TNNI3K: variants seen among roughly 807,000 people sequenced by gnomAD.
TNNI3K encodes the protein TNNI3 interacting kinase.
A neutral mutation model predicts 114.5 loss-of-function variants in TNNI3K; 140 were observed. The observed-to-expected ratio is 1.22, with a 90% CI of 1.07 to 1.41. The LOEUF (loss-of-function observed/expected upper bound fraction) is 1.41, where lower values mean the gene tolerates loss of function less well. Ranked by LOEUF, TNNI3K falls within the 40% of genes most tolerant of loss-of-function variation. The pLI, the probability that TNNI3K is intolerant of heterozygous loss-of-function variation, is 0.00. For synonymous variants in TNNI3K, 347 were observed against 347.5 expected (o/e 1.00, Z 0.02); for missense variants, 1,125 against 1,007.6 (o/e 1.12, Z -1.58).
intron 19 of TNNI3K, among the ~76,000 whole-genome samples, chr1:74,438,881 G>A (rs1356156761): frequency 6.6e-6 from 1 of 152,026 alleles, no homozygotes; most frequent in Non-Finnish European, 1.5e-5. Flanking sequence ...GCACATCTGG[G>A]CAGAGAAAGT....
intron 23 of TNNI3K, among the ~76,000 whole-genome samples, chr1:74,497,157 T>C (rs1240973942): frequency 1.3e-5 from 2 of 152,166 alleles, no homozygotes; most frequent in Admixed American, 6.5e-5. Context: ...TCAAAGTTTT[T>C]CTGGGTTACA....
chr1:74,535,060 A>G (rs1420320520), intron 23 of TNNI3K, among the ~76,000 whole-genome samples: 1 of 152,202 alleles, frequency 6.6e-6, no homozygotes, highest in Non-Finnish European at 1.5e-5. Context: ...GCCCTGGCCA[A>G]ATGTTGGACA....
rs1467185406 is a variant in TNNI3K, at chr1:74,492,086, C to A, written c.2182-11C>A. The A allele has an allele frequency of 6.6e-7, 1 of 1,518,646 alleles. No individual in the cohort carries two copies. Among genetic ancestry groups the A allele is most frequent in the South Asian group, 1.3e-5 (1 of 75,380 alleles). 94.1% of individuals were successfully genotyped at this position (1,518,646 alleles called of 1,614,324 possible). A position where few individuals can be genotyped will look rare whatever the true frequency, so the allele number is the denominator to read the frequency against. On this transcript the variant is annotated splice_polypyrimidine_tract_variant and intron_variant, in intron 22 of 24. Coordinates refer to ENST00000326637, the MANE Select transcript of TNNI3K (RefSeq NM_015978.3). ...GTATTAAACAATTGAAATTGCCCCT[C>A]CTCCACTCAGCTGATGTCTCCTGCA...
intron 21 of TNNI3K, among the ~76,000 whole-genome samples, chr1:74,465,336 G>T (rs1667624245): frequency 6.6e-6 from 1 of 152,218 alleles, no homozygotes. Context: ...GTTCCCAGTG[G>T]GTGCAGGCCC....
intron 10 of TNNI3K, among the ~76,000 whole-genome samples, chr1:74,353,644 C>CAAA (rs35082255): frequency 7.5e-6 from 1 of 134,188 alleles, no homozygotes. Flanking sequence ...ATTTGGTGAT[C>CAAA]AAAAAAAAAA....
chr1:74,461,377 G>C (rs1056159431), intron 20 of TNNI3K, among the ~76,000 whole-genome samples: 2 of 151,948 alleles, frequency 1.3e-5, no homozygotes, highest in African/African-American at 4.8e-5. Flanking sequence ...CTATTTGGGA[G>C]GCTGAGGCAG....
chr1:74,309,871 T>G (rs1658882782), intron 5 of TNNI3K, among the ~76,000 whole-genome samples: 1 of 152,158 alleles, frequency 6.6e-6, no homozygotes, highest in Admixed American at 6.5e-5. Flanking sequence ...GGGCAAAAGT[T>G]GGAAACATTT....
chr1:74,308,751 C>A (rs1342589160), intron 5 of TNNI3K, among the ~76,000 whole-genome samples: 1 of 151,920 alleles, frequency 6.6e-6, no homozygotes, highest in Non-Finnish European at 1.5e-5. Context: ...ATTGATAGGC[C>A]ACTAGCCAGA....
At chr1:74,337,939 C>T (rs1570483712) in intron 7 of TNNI3K, among the ~76,000 whole-genome samples, 1 of 152,030 alleles carries the variant, frequency 6.6e-6, no homozygotes, top group Non-Finnish European at 1.5e-5. Context: ...CATATCCATT[C>T]TTCTCCTAGT....
intron 17 of TNNI3K, among the ~76,000 whole-genome samples, chr1:74,384,347 A>C (rs1330246570): frequency 6.6e-5 from 10 of 152,182 alleles, no homozygotes; most frequent in Non-Finnish European, 1.5e-5. Context: ...AAAGACAATC[A>C]GTTGTTTGAC....
rs751624085 is a variant in TNNI3K at position 74,331,501 on chromosome 1, GT to G, written c.503del (p.Phe168SerfsTer15). The part of the protein sequence containing the change: ...HGANVNIQDA[V>X]FFTPLHIAAY... ...AGCTAATGTCAATATTCAAGATGCA[GT>G]TTTTTTCACTCCATTGCATATTGCA... On this transcript the variant is annotated frameshift_variant, in exon 6 of 25. Coordinates refer to ENST00000326637, the MANE Select transcript of TNNI3K (RefSeq NM_015978.3). LOFTEE classifies it high-confidence loss of function. 3.7e-6 allele frequency: 6 copies of G among 1,613,756 alleles called. No homozygotes were observed. The highest frequency in any genetic ancestry group is 1.6e-4 in the Middle Eastern group (1 of 6,062).
intron 11 of TNNI3K, among the ~76,000 whole-genome samples, chr1:74,358,595 T>A (rs925251831): frequency 2.1e-4 from 32 of 152,190 alleles, no homozygotes; most frequent in African/African-American, 7.7e-4. Flanking sequence ...GATTATGAAC[T>A]CTCAGGCTTT....
chr1:74,300,469 G>C (rs1016268078), intron 5 of TNNI3K, among the ~76,000 whole-genome samples: 1 of 152,204 alleles, frequency 6.6e-6, no homozygotes, highest in African/African-American at 2.4e-5. Flanking sequence ...TGGAATTACA[G>C]AATTATCATT....
chr1:74,347,047 C>T (rs1388259379), intron 9 of TNNI3K, among the ~76,000 whole-genome samples: 9 of 151,562 alleles, frequency 5.9e-5, no homozygotes, highest in South Asian at 4.2e-4. Flanking sequence ...ATGTGCACAA[C>T]GGGCAGGTTT....
chr1:74,331,509 C>A lies in TNNI3K; in HGVS notation c.504C>A (p.Phe168Leu), dbSNP rs200743283. 4.2e-5 allele frequency: 67 copies of A among 1,613,566 alleles called. No individual in the cohort carries two copies. The highest frequency in any genetic ancestry group is 5.7e-5 in the Non-Finnish European group (67 of 1,179,822). Residue 168 changes from phenylalanine to leucine, a missense_variant, in exon 6 of 25, where the codon TTC becomes TTA. Physicochemically the swap from Phe to Leu is conservative, Grantham distance 22 (BLOSUM62 0). Transcript: ENST00000326637. ...TCAATATTCAAGATGCAGTTTTTTT[C>A]ACTCCATTGCATATTGCAGCGTACT... The part of the protein sequence containing the change: ...ANVNIQDAVF[F>L]TPLHIAAYYG...
At chr1:74,506,314 T>C (rs1040407893) in intron 23 of TNNI3K, among the ~76,000 whole-genome samples, 1 of 152,186 alleles carries the variant, frequency 6.6e-6, no homozygotes, top group Non-Finnish European at 1.5e-5. Context: ...GAGTTATTTA[T>C]CAGTATTCTA....
intron 5 of TNNI3K, among the ~76,000 whole-genome samples, chr1:74,297,626 G>T (rs1196006918): frequency 6.6e-6 from 1 of 151,910 alleles, no homozygotes; most frequent in Non-Finnish European, 1.5e-5. Flanking sequence ...CTTGACTACT[G>T]TGAATAATGT....
chr1:74,352,953 A>G (rs1409411046), intron 9 of TNNI3K, among the ~76,000 whole-genome samples: 2 of 152,110 alleles, frequency 1.3e-5, no homozygotes, highest in Non-Finnish European at 2.9e-5. Flanking sequence ...CGGCTCAGGC[A>G]TGGTGCGCTT....
At chr1:74,244,522 T>C (rs1251123363) in intron 2 of TNNI3K, among the ~76,000 whole-genome samples, 1 of 151,864 alleles carries the variant, frequency 6.6e-6, no homozygotes, top group East Asian at 1.9e-4. Context: ...AATAAAGCAA[T>C]GGACCCTGGC....
Sources: allele counts gnomAD v4.1 joint callset (sites outside exome capture counted in the v4.1 genomes callset), GRCh38; gene constraint gnomAD v4.1.1; transcripts MANE v1.5; gene names NCBI Gene and HGNC (gene_info 2026-07-23, HGNC 2026-07-21).